PACRGL: variants seen among roughly 807,000 people sequenced by gnomAD.
PACRGL encodes parkin coregulated like.
A neutral mutation model predicts 34.5 loss-of-function variants in PACRGL; 38 were observed. The ratio of observed to expected loss-of-function variants is 1.10; its 90% CI spans 0.85 to 1.44. PACRGL has a LOEUF of 1.44. PACRGL is among the 40% of genes most tolerant of loss of function. The pLI is 0.00. For missense variants in PACRGL, 305 were observed against 281.4 expected (o/e 1.08, Z -0.60); for synonymous variants, 128 against 100.1 (o/e 1.28, Z -1.66).
At chr4:20,702,713 C>T (rs779123783) in intron 1 of PACRGL, 5 of 152,504 alleles carry the variant, frequency 3.3e-5, no homozygotes, top group Non-Finnish European at 7.3e-5. Context: ...ATATTAAATA[C>T]TTGTTGAATG....
chr4:20,703,763 G>A (rs1158289583), intron 1 of PACRGL, among the ~76,000 whole-genome samples: 14 of 152,102 alleles, frequency 9.2e-5, no homozygotes, highest in Non-Finnish European at 2.9e-5. Context: ...TAAATAATCT[G>A]CCTAAATTCA....
chr4:20,737,487 A>G (rs185161788), downstream of PACRGL, among the ~76,000 whole-genome samples: 354 of 152,270 alleles, frequency 2.3e-3, 8 homozygotes, highest in South Asian at 0.046. Context: ...GAGGATCCAG[A>G]ACATGGGTAG....
chr4:20,761,328 T>G, the PACRGL span, among the ~76,000 whole-genome samples: 1 of 152,204 alleles, frequency 6.6e-6, no homozygotes, highest in Admixed American at 6.5e-5. Context: ...TCCATTTCTC[T>G]GAAGGACCCT....
intron 4 of PACRGL, among the ~76,000 whole-genome samples, chr4:20,709,014 C>T (rs1465077084): frequency 6.6e-6 from 1 of 151,862 alleles, no homozygotes; most frequent in Non-Finnish European, 1.5e-5. Flanking sequence ...TGGTGCATGC[C>T]TGTAATCCCA....
chr4:20,718,128 T>C (rs1229686339), intron 7 of PACRGL, among the ~76,000 whole-genome samples: 1 of 152,152 alleles, frequency 6.6e-6, no homozygotes, highest in Non-Finnish European at 1.5e-5. Context: ...ATGATTTGGC[T>C]CTCTGTCTGT....
At chr4:20,716,679 C>T (rs1740191438) in intron 7 of PACRGL, among the ~76,000 whole-genome samples, 1 of 152,162 alleles carries the variant, frequency 6.6e-6, no homozygotes, top group African/African-American at 2.4e-5. Context: ...TTTTTTATGG[C>T]TGCATAGTAT....
downstream of PACRGL, chr4:20,732,850 C>G: frequency 1.0e-6 from 1 of 980,946 alleles, no homozygotes; most frequent in Non-Finnish European, 1.6e-6. Flanking sequence ...CTAAGAAGCT[C>G]TGACAGATTT....
At chr4:20,697,865 T>A (rs567707672), upstream of PACRGL, among the ~76,000 whole-genome samples, 7 of 152,244 alleles carry the variant, frequency 4.6e-5, no homozygotes, top group African/African-American at 7.2e-5. Context: ...ACTAATTCCA[T>A]TCACGAGTGT....
intron 8 of PACRGL, among the ~76,000 whole-genome samples, chr4:20,742,519 C>T (rs1394437284): frequency 6.6e-6 from 1 of 152,068 alleles, no homozygotes; most frequent in East Asian, 1.9e-4. Context: ...ATTCAGCAGC[C>T]CTTCATGCTA....
intron 7 of PACRGL, among the ~76,000 whole-genome samples, chr4:20,714,603 T>C (rs1442828310): frequency 6.6e-6 from 1 of 152,210 alleles, no homozygotes; most frequent in African/African-American, 2.4e-5. Context: ...CTCAGTGGTC[T>C]TTACAATTTG....
At chr4:20,745,431 C>T (rs1256895753) in intron 8 of PACRGL, among the ~76,000 whole-genome samples, 1 of 152,054 alleles carries the variant, frequency 6.6e-6, no homozygotes, top group Non-Finnish European at 1.5e-5. Context: ...TCTTTTCGTG[C>T]AAAAGAAAAA....
At chr4:20,757,341 G>A (rs1754567195), downstream of PACRGL, among the ~76,000 whole-genome samples, 1 of 152,140 alleles carries the variant, frequency 6.6e-6, no homozygotes, top group Admixed American at 6.5e-5. Context: ...CCTGCCTGCA[G>A]TATTGCTGAC....
rs1264577458 is a variant in PACRGL at position 20,732,245 on chromosome 4, T to A, written c.*4904T>A. On this transcript the variant is annotated 3_prime_UTR_variant, in exon 9 of 9. Transcript: ENST00000503585. ...TAGAGATAAAAATGATAGGGCCAAA[T>A]GCTTCTGGCTTTTCCCTTTTCAATA... is the stretch of plus-strand genomic sequence containing the variant. Among the ~76,000 whole-genome samples the A allele has an allele frequency of 2.0e-5, 3 of 152,204 alleles. No homozygotes were observed. The highest frequency in any genetic ancestry group is 1.3e-4 in the Admixed American group (2 of 15,276).
intron 1 of PACRGL, chr4:20,701,511 T>G (rs1732159763): frequency 5.8e-6 from 1 of 171,662 alleles, no homozygotes; most frequent in African/African-American, 2.4e-5. Context: ...ACAAAATAGT[T>G]CTTACAGGTT....
chr4:20,729,627 A>ATGTCACTAT lies in PACRGL; in HGVS notation c.*2286_*2287insTGTCACTAT. The ATGTCACTAT allele has an allele frequency of 6.9e-6, 1 of 144,660 alleles. No individual in the cohort carries two copies. Among genetic ancestry groups the ATGTCACTAT allele is most frequent in the Admixed American group, 7.0e-5 (1 of 14,358 alleles). 9.0% of individuals were successfully genotyped at this position (144,660 alleles called of 1,614,324 possible). A position where few individuals can be genotyped will look rare whatever the true frequency, so the allele number is the denominator to read the frequency against. On this transcript the variant is annotated 3_prime_UTR_variant, in exon 9 of 9. Transcript: ENST00000503585. Reference sequence around the variant, plus strand: ...AAGTATATAAATGGAATTTAAATGGAATTACAGCATTCAAACATGAAAATT... The same window carrying ATGTCACTAT: ...AAGTATATAAATGGAATTTAAATGGATGTCACTATATTACAGCATTCAAACATGAAAATT...
chr4:20,702,901 A>C (rs1217280113), intron 1 of PACRGL, among the ~76,000 whole-genome samples: 1 of 152,194 alleles, frequency 6.6e-6, no homozygotes, highest in Non-Finnish European at 1.5e-5. Flanking sequence ...GATGAGATAA[A>C]TGAGATCAAT....
chr4:20,736,493 C>T (rs928651332), downstream of PACRGL, among the ~76,000 whole-genome samples: 11 of 152,024 alleles, frequency 7.2e-5, no homozygotes, highest in African/African-American at 1.4e-4. Context: ...TGCTGACATA[C>T]GTTGGTTTTC....
chr4:20,722,648 C>A (rs147637638), intron 7 of PACRGL, among the ~76,000 whole-genome samples: 1 of 152,146 alleles, frequency 6.6e-6, no homozygotes, highest in Non-Finnish European at 1.5e-5. Context: ...CTCTAGAAAT[C>A]GAGCTAATAC....
Position 20,730,113 on chromosome 4 carries a change from C to T in PACRGL, c.*2772C>T, listed in dbSNP as rs149977507. ...CACATTTTCAAAGAGCTGCATGGAGCGCATTATGTTTTCATCCTGTAAGGG... is the reference window on the plus strand; with the variant it reads ...CACATTTTCAAAGAGCTGCATGGAGTGCATTATGTTTTCATCCTGTAAGGG... On this transcript the variant is annotated 3_prime_UTR_variant, in exon 9 of 9. Transcript: ENST00000503585. 64 of 1,607,828 alleles carry T rather than the reference C, an allele frequency of 4.0e-5. No individual in the cohort carries two copies. The East Asian group carries it at 6.7e-4, about 17-fold the overall frequency.
Sources: allele counts gnomAD v4.1 joint callset (sites outside exome capture counted in the v4.1 genomes callset), GRCh38; gene constraint gnomAD v4.1.1; transcripts MANE v1.5; gene names NCBI Gene and HGNC (gene_info 2026-07-23, HGNC 2026-07-21).